Variants in ARFGAP3 observed in about 807,000 individuals in gnomAD.
ARFGAP3 encodes ADP-ribosylation factor GTPase-activating protein 3.
A neutral mutation model predicts 75.0 loss-of-function variants in ARFGAP3; 72 were observed. The observed-to-expected ratio is 0.96, with a 90% CI of 0.79 to 1.17. ARFGAP3 has a LOEUF of 1.17. Ranked by LOEUF, ARFGAP3 falls within the 50% of genes most tolerant of loss-of-function variation. The probability of loss-of-function intolerance (pLI) is 0.00; values close to 1 mark genes in which losing one functional copy is unlikely to be tolerated. For synonymous variants in ARFGAP3, 221 were observed against 217.9 expected, an observed-to-expected ratio of 1.01 and a Z score of -0.13; for missense variants, 620 against 626.6, an observed-to-expected ratio of 0.99 and a Z score of 0.11.
intron 12 of ARFGAP3, among the ~76,000 whole-genome samples, chr22:42,810,443 A>G (rs1439440286): frequency 6.6e-6 from 1 of 152,206 alleles, no homozygotes; most frequent in Non-Finnish European, 1.5e-5. Flanking sequence ...CAGCCTGGGC[A>G]ACAGAGTGAG....
intron 14 of ARFGAP3, among the ~76,000 whole-genome samples, chr22:42,800,543 A>G (rs1924810661): frequency 6.6e-6 from 1 of 152,164 alleles, no homozygotes. Context: ...AAACAAAAAC[A>G]GAAAGCCTTG....
intron 9 of ARFGAP3, 142 bp from the exon 10 acceptor site, chr22:42,817,999 G>T (rs952633571): frequency 7.6e-6 from 9 of 1,184,508 alleles, no homozygotes; most frequent in Non-Finnish European, 8.9e-6. Flanking sequence ...GCAAGTTGGT[G>T]TTTTTTCTAC....
intron 2 of ARFGAP3, among the ~76,000 whole-genome samples, chr22:42,841,452 C>T (rs191901133): frequency 4.7e-4 from 72 of 152,222 alleles, no homozygotes; most frequent in African/African-American, 1.7e-3. Context: ...AGAGACCTAC[C>T]CAACATCACG....
chr22:42,856,712 G>C (rs1175489781), intron 1 of ARFGAP3, among the ~76,000 whole-genome samples: 5 of 152,162 alleles, frequency 3.3e-5, no homozygotes, highest in African/African-American at 1.2e-4. Context: ...GGCGCTGGGG[G>C]AGCCGCGCTT....
intron 2 of ARFGAP3, among the ~76,000 whole-genome samples, chr22:42,842,309 T>TC (rs1926821515): frequency 1.7e-5 from 1 of 60,504 alleles, no homozygotes; most frequent in South Asian, 5.6e-4. Flanking sequence ...CTGGCCTTTT[T>TC]TTTTTTTTTT....
chr22:42,807,801 C>CTTT, intron 13 of ARFGAP3, among the ~76,000 whole-genome samples: 1 of 143,482 alleles, frequency 7.0e-6, no homozygotes, highest in African/African-American at 2.5e-5. Flanking sequence ...ACATTTCTTT[C>CTTT]TTTTTTTTTT....
intron 1 of ARFGAP3, among the ~76,000 whole-genome samples, chr22:42,851,794 A>C (rs1225065795): frequency 6.6e-6 from 1 of 152,240 alleles, no homozygotes; most frequent in East Asian, 1.9e-4. Flanking sequence ...TTTGACTGAC[A>C]ATTTGTTTTG....
At chr22:42,809,800 G>A (rs986871014) in intron 12 of ARFGAP3, among the ~76,000 whole-genome samples, 24 of 151,814 alleles carry the variant, frequency 1.6e-4, no homozygotes, top group African/African-American at 5.6e-4. Context: ...TCAGGAGATC[G>A]AGACCATCCT....
chr22:42,822,557 G>C lies in ARFGAP3; in HGVS notation c.673-148C>G, dbSNP rs929328963. The C allele has an allele frequency of 7.5e-5, 71 of 946,570 alleles. No homozygotes were observed. In the African/African-American group the frequency reaches 1.1e-3, roughly 15 times the overall value. The allele number at this position is 946,570 out of a possible 1,614,324, so 58.6% of individuals were successfully genotyped here. On this transcript the variant is annotated intron_variant, in intron 8 of 15. Coordinates refer to ENST00000263245, the MANE Select transcript of ARFGAP3 (RefSeq NM_014570.5). The stretch of plus-strand genomic sequence containing the variant: ...GGCTTAGTCCTCAGAACTCTGTGAA[G>C]TTAGTATTATTCCAGGAGTCCCTCA...
At chr22:42,830,253 G>A (rs1395429449) in intron 6 of ARFGAP3, among the ~76,000 whole-genome samples, 1 of 125,550 alleles carries the variant, frequency 8.0e-6, no homozygotes, top group East Asian at 2.3e-4. Context: ...TAGTAGCTGG[G>A]ATCACAGGCG....
intron 6 of ARFGAP3, among the ~76,000 whole-genome samples, chr22:42,831,017 C>G (rs1366852453): frequency 6.6e-6 from 1 of 152,070 alleles, no homozygotes; most frequent in East Asian, 1.9e-4. Context: ...ACAGAAGGGT[C>G]GGCCAGGTGT....
intron 1 of ARFGAP3, among the ~76,000 whole-genome samples, chr22:42,848,468 A>G (rs902703876): frequency 2.6e-5 from 4 of 152,194 alleles, no homozygotes; most frequent in African/African-American, 9.7e-5. Context: ...TTGGACTCCC[A>G]AAGTGCTGGG....
At chr22:42,854,474 A>C (rs1323158175) in intron 1 of ARFGAP3, among the ~76,000 whole-genome samples, 3 of 152,080 alleles carry the variant, frequency 2.0e-5, no homozygotes, top group African/African-American at 4.8e-5. Context: ...AAAATACAAA[A>C]ATTAGCCATG....
In ARFGAP3 at chr22:42,820,010, C is replaced by A. The variant is rs561795358; in HGVS notation, c.813-2153G>T. Among the ~76,000 whole-genome samples, 4 of 152,294 alleles carry A rather than the reference C, an allele frequency of 2.6e-5. No homozygotes were observed. The South Asian group carries it at 8.3e-4, about 32-fold the overall frequency. On this transcript the variant is annotated intron_variant, in intron 9 of 15. Coordinates refer to ENST00000263245, the MANE Select transcript of ARFGAP3 (RefSeq NM_014570.5). The stretch of plus-strand genomic sequence containing the variant: ...TCCTAATGAAAGATACAAGTGAAGT[C>A]TGGTTGTTGCTTCCTGTTTTCAGGA...
At chr22:42,849,097 G>A (rs959221117) in intron 1 of ARFGAP3, among the ~76,000 whole-genome samples, 4 of 152,286 alleles carry the variant, frequency 2.6e-5, no homozygotes, top group African/African-American at 9.6e-5. Context: ...AGGAGAGGAG[G>A]CCTGCCAACC....
intron 11 of ARFGAP3, among the ~76,000 whole-genome samples, 183 bp downstream of exon 11, chr22:42,816,959 G>A (rs1405120380): frequency 6.6e-6 from 1 of 152,020 alleles, no homozygotes; most frequent in East Asian, 1.9e-4. Context: ...ATTAGCCAAC[G>A]TTGTTCTTTT....
At chr22:42,817,913 A>C in intron 9 of ARFGAP3, 56 bp from the exon 10 acceptor site, 1 of 1,393,058 alleles carries the variant, frequency 7.2e-7, no homozygotes, top group South Asian at 1.6e-5. Context: ...TTCTTATATT[A>C]AAATAGCAAG....
At position 42,847,623 on chromosome 22, in the gene ARFGAP3, C is replaced by G. The variant is rs1352246808; in HGVS notation, c.79G>C (p.Asp27His). The G allele has an allele frequency of 6.2e-7, 1 of 1,610,372 alleles. No individual in the cohort carries two copies. ...RSVPTNKVCF[D>H]CGAKNPSWAS... Reference sequence around the variant, plus strand: ...CAGCTGGGATTTTTGGCACCACAATCAAAACACACCTGAAAAAAAATGTTA... The same window carrying G: ...CAGCTGGGATTTTTGGCACCACAATGAAAACACACCTGAAAAAAAATGTTA... The change falls in exon 2 of 16, where the codon GAT (aspartate) becomes CAT (histidine). Residue 27 changes from aspartate to histidine, a missense_variant. Transcript: ENST00000263245.
chr22:42,830,014 T>C (rs1209108532), intron 6 of ARFGAP3, among the ~76,000 whole-genome samples: 1 of 152,238 alleles, frequency 6.6e-6, no homozygotes, highest in African/African-American at 2.4e-5. Flanking sequence ...TGTCTACGCC[T>C]ATACCAGCAA....
Sources: allele counts gnomAD v4.1 joint callset (sites outside exome capture counted in the v4.1 genomes callset), GRCh38; gene constraint gnomAD v4.1.1; transcripts MANE v1.5; gene names NCBI Gene and HGNC (gene_info 2026-07-23, HGNC 2026-07-21).